The following LMNTD1 variants were observed in gnomAD, a reference collection of about 807,000 sequenced individuals.
LMNTD1 encodes lamin tail domain-containing protein 1.
LMNTD1 carries 35 observed loss-of-function variants against 50.9 expected under a neutral mutation model. The observed-to-expected ratio is 0.69, with a 90% CI of 0.53 to 0.91. The LOEUF is 0.91. Among genes scored for constraint, LMNTD1 ranks in the 40% least tolerant of loss-of-function variants. The probability of loss-of-function intolerance (pLI) is 0.00; values close to 1 mark genes in which losing one functional copy is unlikely to be tolerated. For missense variants in LMNTD1, 470 were observed against 475.5 expected (o/e 0.99, Z 0.11); for synonymous variants, 153 against 161.9 (o/e 0.94, Z 0.42).
chr12:25,619,250 C>CTATATATATATATATATATATA (rs1185194793), intron 1 of LMNTD1, among the ~76,000 whole-genome samples: 1 of 79,406 alleles, frequency 1.3e-5, no homozygotes, highest in Admixed American at 1.3e-4. Flanking sequence ...CTCTCTCTCT[C>CTATATATATATATATATATATA]TCTATATATA....
intron 1 of LMNTD1, among the ~76,000 whole-genome samples, chr12:25,569,873 G>A (rs531182537): frequency 6.6e-6 from 1 of 152,236 alleles, no homozygotes; most frequent in South Asian, 2.1e-4. Flanking sequence ...GCAAAACCGT[G>A]AACCAATTCA....
At chr12:25,495,414 A>G (rs1939028779) in intron 9 of LMNTD1, among the ~76,000 whole-genome samples, 1 of 152,042 alleles carries the variant, frequency 6.6e-6, no homozygotes, top group Non-Finnish European at 1.5e-5. Context: ...AATGAATATT[A>G]TTAATGCTAC....
At chr12:25,621,241 G>C (rs1465819746) in intron 1 of LMNTD1, among the ~76,000 whole-genome samples, 2 of 151,958 alleles carry the variant, frequency 1.3e-5, no homozygotes. Flanking sequence ...TAGAGAGAAA[G>C]AGAGACAGGG....
intron 1 of LMNTD1, among the ~76,000 whole-genome samples, chr12:25,608,956 A>G (rs1946182325): frequency 1.3e-5 from 2 of 152,292 alleles, no homozygotes; most frequent in Middle Eastern, 6.8e-3. Flanking sequence ...TTTCAGGTAC[A>G]CCAATCAAAC....
intron 1 of LMNTD1, among the ~76,000 whole-genome samples, chr12:25,596,389 G>A (rs1945846324): frequency 6.6e-6 from 1 of 151,948 alleles, no homozygotes; most frequent in Non-Finnish European, 1.5e-5. Context: ...ATCAAGAGGG[G>A]TTTCATACCA....
intron 9 of LMNTD1, 64 bp downstream of exon 9, chr12:25,503,674 T>C: frequency 1.2e-6 from 1 of 822,154 alleles, no homozygotes; most frequent in Non-Finnish European, 2.1e-6. Flanking sequence ...AAGACATTTC[T>C]GCCCATTACT....
intron 1 of LMNTD1, among the ~76,000 whole-genome samples, chr12:25,621,847 TTGCGCTTTTA>T (rs572453103): frequency 6.6e-4 from 100 of 152,260 alleles, no homozygotes; most frequent in Non-Finnish European, 1.1e-3. Flanking sequence ...TGGAGAAGAC[TTGCGCTTTTA>T]TGCTGAATGA....
chr12:25,573,883 G>C (rs1944895663), intron 1 of LMNTD1, among the ~76,000 whole-genome samples: 1 of 152,010 alleles, frequency 6.6e-6, no homozygotes, highest in African/African-American at 2.4e-5. Context: ...TGCCTAACTG[G>C]ACTTGAGTTT....
chr12:25,585,122 G>A (rs1473143848), intron 1 of LMNTD1, among the ~76,000 whole-genome samples: 3 of 152,190 alleles, frequency 2.0e-5, no homozygotes, highest in South Asian at 2.1e-4. Context: ...ATAAACACCC[G>A]AGTCTGACAG....
At position 25,519,586 on chromosome 12, in the gene LMNTD1, T is replaced by TAAAAAAAAAAAAAAAAAAAAAAAAA. The variant is rs781742784; in HGVS notation, c.1016+271_1016+272insTTTTTTTTTTTTTTTTTTTTTTTTT. Among the ~76,000 whole-genome samples, 25 of 74,920 alleles carry TAAAAAAAAAAAAAAAAAAAAAAAAA rather than the reference T, an allele frequency of 3.3e-4. 6 individuals are homozygous for TAAAAAAAAAAAAAAAAAAAAAAAAA. Among genetic ancestry groups the TAAAAAAAAAAAAAAAAAAAAAAAAA allele is most frequent in the Admixed American group, 6.2e-4 (4 of 6,490 alleles). 49.2% of individuals were successfully genotyped at this position (74,920 alleles called of 152,430 possible). A position where few individuals can be genotyped will look rare whatever the true frequency, so the allele number is the denominator to read the frequency against. ...CTGGGTGACAGAGCGAGACTCTGTC[T>TAAAAAAAAAAAAAAAAAAAAAAAAA]CAAAAAAAAAAAAAAAAAAAAAGTG... On this transcript the variant is annotated intron_variant, in intron 7 of 9. Coordinates refer to ENST00000458174, the MANE Select transcript of LMNTD1 (RefSeq NM_001145728.2).
At chr12:25,588,375 T>TTA (rs1828233365) in intron 1 of LMNTD1, among the ~76,000 whole-genome samples, 1 of 152,108 alleles carries the variant, frequency 6.6e-6, no homozygotes, top group Non-Finnish European at 1.5e-5. Flanking sequence ...TAAATCTGAG[T>TTA]TATAGGCCAA....
chr12:25,642,904 T>A (rs1003126612), intron 1 of LMNTD1, among the ~76,000 whole-genome samples: 73 of 152,226 alleles, frequency 4.8e-4, no homozygotes, highest in Non-Finnish European at 5.0e-4. Flanking sequence ...TTCTCAGGAC[T>A]GTATTTTCAA....
intron 1 of LMNTD1, among the ~76,000 whole-genome samples, chr12:25,572,427 C>T (rs985100328): frequency 1.3e-5 from 2 of 152,064 alleles, no homozygotes; most frequent in Admixed American, 6.5e-5. Context: ...CTTTCCAAAG[C>T]GTCAATATAA....
chr12:25,511,366 G>A (rs1043433562), intron 8 of LMNTD1, among the ~76,000 whole-genome samples: 28 of 152,232 alleles, frequency 1.8e-4, no homozygotes, highest in African/African-American at 6.7e-4. Flanking sequence ...AGACCGTTAG[G>A]ATACCTCAGG....
intron 9 of LMNTD1, among the ~76,000 whole-genome samples, chr12:25,502,234 C>T (rs1265754809): frequency 1.3e-5 from 2 of 151,670 alleles, no homozygotes; most frequent in African/African-American, 4.8e-5. Flanking sequence ...AATTCCCCCC[C>T]TTTTTTTTTG....
intron 1 of LMNTD1, among the ~76,000 whole-genome samples, chr12:25,598,982 C>T (rs1945905590): frequency 6.6e-6 from 1 of 151,844 alleles, no homozygotes; most frequent in Non-Finnish European, 1.5e-5. Context: ...GGAGGGAAAA[C>T]TTCCAAACTT....
rs956390768 is a variant in LMNTD1, at chr12:25,546,473, A to G, written c.392T>C (p.Phe131Ser). 2 of 1,600,596 alleles carry G rather than the reference A, an allele frequency of 1.2e-6. No individual in the cohort carries two copies. Among genetic ancestry groups the G allele is most frequent in the African/African-American group, 1.3e-5 (1 of 74,396 alleles). ...TGCTGTAAGTTTCTTTGAATCACCA[A>G]ACAAAGAAAGGAAATAATCTTCTCC... ...GDGEDYFLSL[F>S]GDSKKLTAHS... Residue 131 changes from phenylalanine (F) to serine (S), a missense_variant, in exon 4 of 10, where the codon TTT becomes TCT. Phe to Ser is a radical substitution (Grantham distance 155, BLOSUM62 -2). Transcript: ENST00000458174.
At chr12:25,530,193 AATTT>A (rs1431533403) in intron 4 of LMNTD1, among the ~76,000 whole-genome samples, 14 of 152,196 alleles carry the variant, frequency 9.2e-5, no homozygotes, top group East Asian at 7.7e-4. Context: ...ACATTTTTAT[AATTT>A]ATTTATGGTA....
At chr12:25,486,631 G>A (rs1296707633) in intron 9 of LMNTD1, among the ~76,000 whole-genome samples, 5 of 149,594 alleles carry the variant, frequency 3.3e-5, no homozygotes, top group Admixed American at 1.3e-4. Context: ...GTATGATATT[G>A]GCTGTGGGTT....
Sources: allele counts gnomAD v4.1 joint callset (sites outside exome capture counted in the v4.1 genomes callset), GRCh38; gene constraint gnomAD v4.1.1; transcripts MANE v1.5; gene names NCBI Gene and HGNC (gene_info 2026-07-23, HGNC 2026-07-21).